SNAP29: variants seen among roughly 807,000 people sequenced by gnomAD.
SNAP29 encodes the protein synaptosomal-associated protein 29.
A neutral mutation model predicts 27.9 loss-of-function variants in SNAP29; 13 were observed. The ratio of observed to expected loss-of-function variants is 0.47; its 90% confidence interval spans 0.30 to 0.74. The LOEUF is 0.74. Among genes scored for constraint, SNAP29 ranks in the 30% least tolerant of loss-of-function variants. The pLI, the probability that SNAP29 is intolerant of heterozygous loss-of-function variation, is 0.06. For synonymous variants in SNAP29, 119 were observed against 127.1 expected (o/e 0.94, Z 0.43); for missense variants, 368 against 336.5 (o/e 1.09, Z -0.73).
rs182236424 is a variant in SNAP29 at position 20,879,140 on chromosome 22, C to T, written c.435-1909C>T. On this transcript the variant is annotated intron_variant, in intron 2 of 4. Transcript: ENST00000215730. ...GGCTAACACGGTGAAACCCCGTCTC[C>T]ACTAAAAATACAAAAAATTAGCCGG... Among the ~76,000 whole-genome samples, 457 of 151,706 alleles carry T rather than the reference C, an allele frequency of 3.0e-3. 2 individuals carry two copies. Among genetic ancestry groups the T allele is most frequent in the African/African-American group, 0.01 (421 of 41,386 alleles).
chr22:20,871,897 C>A (rs992886422), intron 2 of SNAP29, among the ~76,000 whole-genome samples: 11 of 151,790 alleles, frequency 7.2e-5, no homozygotes, highest in African/African-American at 2.7e-4. Context: ...AAAAAAAATT[C>A]ATGAGATTTT....
At chr22:20,886,422 C>G (rs552953497) in intron 4 of SNAP29, among the ~76,000 whole-genome samples, 2 of 152,158 alleles carry the variant, frequency 1.3e-5, no homozygotes, top group African/African-American at 4.8e-5. Context: ...ATTCTCATGC[C>G]TCAGCCTCCC....
intron 2 of SNAP29, among the ~76,000 whole-genome samples, chr22:20,872,402 G>A (rs1928614756): frequency 8.5e-6 from 1 of 117,584 alleles, no homozygotes; most frequent in South Asian, 2.5e-4. Context: ...ACCATGCCTG[G>A]CTAATTCTTT....
Position 20,888,093 on chromosome 22 carries a change from A to G in SNAP29, c.*257A>G, listed in dbSNP as rs987854202. 6.1e-5 allele frequency: 29 copies of G among 478,172 alleles called. No homozygotes were observed. Among genetic ancestry groups the G allele is most frequent in the African/African-American group, 4.5e-4 (23 of 51,190 alleles). 29.6% of individuals were successfully genotyped at this position (478,172 alleles called of 1,614,324 possible). A position where few individuals can be genotyped will look rare whatever the true frequency, so the allele number is the denominator to read the frequency against. The stretch of plus-strand genomic sequence containing the variant: ...TCTGAGCACAGTAGCCTGGCCCTGC[A>G]TATCTTGGGCGTTTGATTACCATGC... On this transcript the variant is annotated 3_prime_UTR_variant, in exon 5 of 5. Coordinates refer to ENST00000215730, the MANE Select transcript of SNAP29 (RefSeq NM_004782.4).
chr22:20,862,489 G>A (rs1928348972), intron 1 of SNAP29, among the ~76,000 whole-genome samples: 1 of 152,176 alleles, frequency 6.6e-6, no homozygotes, highest in South Asian at 2.1e-4. Context: ...TTAGAGGACA[G>A]GGGATGGAGG....
chr22:20,876,053 T>C (rs1928736498), intron 2 of SNAP29, among the ~76,000 whole-genome samples: 1 of 150,800 alleles, frequency 6.6e-6, no homozygotes, highest in Admixed American at 6.6e-5. Context: ...CCCAGCTGCT[T>C]GGGAGGCTGA....
Position 20,874,311 on chromosome 22 carries a change from CACACAG to C in SNAP29, c.434+3784_434+3789del, listed in dbSNP as rs143781425. On this transcript the variant is annotated intron_variant, in intron 2 of 4. Transcript: ENST00000215730. ...AGCAAGACTCTGACACACACAGACA[CACACAG>C]ACACACACACACACACACACACGAA... Among the ~76,000 whole-genome samples, 475 of 139,362 alleles carry C rather than the reference CACACAG, an allele frequency of 3.4e-3. 4 individuals carry two copies. The highest frequency in any genetic ancestry group is 0.012 in the African/African-American group (400 of 34,352). The allele number at this position is 139,362 out of a possible 152,430, so 91.4% of individuals were successfully genotyped here.
At chr22:20,880,505 C>CAA (rs763227531) in intron 2 of SNAP29, among the ~76,000 whole-genome samples, 2 of 102,460 alleles carry the variant, frequency 2.0e-5, no homozygotes, top group Admixed American at 1.0e-4. Context: ...GACTCCATCT[C>CAA]AAAAAAAAAA....
At chr22:20,874,307 G>C (rs5996956) in intron 2 of SNAP29, among the ~76,000 whole-genome samples, 11 of 117,684 alleles carry the variant, frequency 9.3e-5, no homozygotes, top group South Asian at 7.8e-4. Flanking sequence ...GACACACACA[G>C]ACACACACAG....
chr22:20,885,607 G>C (rs59296003), intron 4 of SNAP29, among the ~76,000 whole-genome samples: 4,537 of 152,324 alleles, frequency 0.03, 88 homozygotes, highest in Middle Eastern at 0.065. Flanking sequence ...TGGGAGAAGG[G>C]ACTTTGAGGA....
intron 1 of SNAP29, among the ~76,000 whole-genome samples, chr22:20,861,144 A>ATTTTTTTTTT (rs1391893515): frequency 8.3e-6 from 1 of 120,416 alleles, no homozygotes; most frequent in Non-Finnish European, 1.7e-5. Context: ...TTTGAGACAG[A>ATTTTTTTTTT]TTCTCGCTCT....
Position 20,881,223 on chromosome 22 carries a change from C to G in SNAP29, c.520+89C>G, listed in dbSNP as rs367832300. Reference sequence around the variant, plus strand: ...TTGGTCCTTGGGGGGCAGTGGCAACCTCTCTGGGGAGGTGGGCAGGGGCCC... The same window carrying G: ...TTGGTCCTTGGGGGGCAGTGGCAACGTCTCTGGGGAGGTGGGCAGGGGCCC... On this transcript the variant is annotated intron_variant, in intron 3 of 4. Transcript: ENST00000215730. The G allele has an allele frequency of 4.4e-6, 4 of 917,470 alleles. No individual in the cohort carries two copies. In the African/African-American group the frequency reaches 4.9e-5, roughly 11 times the overall value. 56.8% of individuals were successfully genotyped at this position (917,470 alleles called of 1,614,324 possible). A position where few individuals can be genotyped will look rare whatever the true frequency, so the allele number is the denominator to read the frequency against.
At position 20,870,442 on chromosome 22, in the gene SNAP29, G is replaced by C; in HGVS notation, c.343G>C (p.Val115Leu). Reference sequence around the variant, plus strand: ...GAAACACATCAATAGCATTAAGAGCGTGTTTGGGGGGCTGGTCAATTACTT... The same window carrying C: ...GAAACACATCAATAGCATTAAGAGCCTGTTTGGGGGGCTGGTCAATTACTT... ...SQKHINSIKS[V>L]FGGLVNYFKS... Residue 115 changes from valine (V) to leucine (L), a missense_variant, in exon 2 of 5, where the codon GTG becomes CTG. Coordinates refer to ENST00000215730, the MANE Select transcript of SNAP29 (RefSeq NM_004782.4). The C allele has an allele frequency of 6.2e-7, 1 of 1,614,198 alleles. No individual in the cohort carries two copies. Among genetic ancestry groups the C allele is most frequent in the African/African-American group, 1.3e-5 (1 of 75,042 alleles).
chr22:20,865,221 G>C (rs868152304), intron 1 of SNAP29, among the ~76,000 whole-genome samples: 1 of 152,034 alleles, frequency 6.6e-6, no homozygotes, highest in African/African-American at 2.4e-5. Context: ...TGGGCATGGC[G>C]GTGCATGCCT....
intron 2 of SNAP29, among the ~76,000 whole-genome samples, chr22:20,873,133 C>G (rs1415174455): frequency 1.3e-5 from 2 of 151,294 alleles, no homozygotes; most frequent in Non-Finnish European, 3.0e-5. Context: ...CCTGGCCTCT[C>G]TCTTTGTTTT....
chr22:20,884,662 C>G (rs1928971582), intron 4 of SNAP29, among the ~76,000 whole-genome samples: 3 of 152,198 alleles, frequency 2.0e-5, no homozygotes, highest in African/African-American at 7.2e-5. Context: ...GCTGGTTTGC[C>G]TGCTGTCTTC....
chr22:20,890,149 A>T lies in SNAP29; in HGVS notation c.*2313A>T. ...TTTCTGCCACTTCTTCCCCACTCCC[A>T]TGCCCAGGAAGGCCTGGTTGCTGAT... On this transcript the variant is annotated 3_prime_UTR_variant, in exon 5 of 5. Transcript: ENST00000215730. The T allele has an allele frequency of 2.5e-6, 1 of 396,992 alleles. No individual in the cohort carries two copies. Among genetic ancestry groups the T allele is most frequent in the Non-Finnish European group, 4.4e-6 (1 of 225,480 alleles). 24.6% of individuals were successfully genotyped at this position (396,992 alleles called of 1,614,324 possible).
At position 20,859,659 on chromosome 22, in the gene SNAP29, C is replaced by T. The variant is rs991304390; in HGVS notation, c.237+312C>T. The T allele has an allele frequency of 3.0e-5, 13 of 438,792 alleles. No individual in the cohort carries two copies. The East Asian group carries it at 4.5e-4, about 15-fold the overall frequency. The allele number at this position is 438,792 out of a possible 1,614,324, so 27.2% of individuals were successfully genotyped here. A position where few individuals can be genotyped will look rare whatever the true frequency, so the allele number is the denominator to read the frequency against. On this transcript the variant is annotated intron_variant, in intron 1 of 4. Transcript: ENST00000215730. Reference sequence around the variant, plus strand: ...TGTCCAGGTGAGTAAAAATTCTGAACAGCAGGTCCTAGGTTTGGGAAATGG... The same window carrying T: ...TGTCCAGGTGAGTAAAAATTCTGAATAGCAGGTCCTAGGTTTGGGAAATGG...
chr22:20,883,915 C>T (rs983839494), intron 4 of SNAP29, among the ~76,000 whole-genome samples: 5 of 152,124 alleles, frequency 3.3e-5, no homozygotes, highest in African/African-American at 9.7e-5. Context: ...GTGAAATGGG[C>T]TACCTCTGAG....
Sources: gnomAD v4.1 joint callset for allele counts (sites outside exome capture counted in the v4.1 genomes callset) on GRCh38, gnomAD v4.1.1 for gene constraint, MANE v1.5 for transcripts, NCBI Gene and HGNC (gene_info 2026-07-23, HGNC 2026-07-21) for gene names.